The following WASL variants were observed in gnomAD, a reference collection of about 807,000 sequenced individuals.
The protein encoded by WASL is WASP like actin nucleation promoting factor, also known as actin nucleation-promoting factor WASL.
A neutral mutation model predicts 55.5 loss-of-function variants in WASL; 20 were observed. The ratio of observed to expected loss-of-function variants is 0.36; its 90% CI spans 0.25 to 0.52. WASL has a LOEUF of 0.52. WASL is among the 20% of genes least tolerant of loss of function. The probability of loss-of-function intolerance (pLI) is 0.92; values close to 1 mark genes in which losing one functional copy is unlikely to be tolerated. For synonymous variants in WASL, 249 were observed against 217.6 expected (o/e 1.14, Z -1.27); for missense variants, 504 against 622.5 (o/e 0.81, Z 2.03).
Position 123,692,502 on chromosome 7 carries a change from G to C in WASL, c.1192C>G (p.Gln398Glu). 6.2e-7 allele frequency: 1 copy of C among 1,614,084 alleles called. No homozygotes were observed. Among genetic ancestry groups the C allele is most frequent in the Non-Finnish European group, 8.5e-7 (1 of 1,180,046 alleles). ...TTGTTTCCTGCAGTAGTTGGAACCTGATGGTCCCCATCAGAAGGCAGGCCA... is the reference window on the plus strand; with the variant it reads ...TTGTTTCCTGCAGTAGTTGGAACCTCATGGTCCCCATCAGAAGGCAGGCCA... ...PPGLPSDGDH[Q>E]VPTTAGNKAA... is the part of the protein sequence containing the mutation. The change falls in exon 9 of 11, where the codon CAG becomes GAG. Residue 398 changes from glutamine (Q) to glutamate (E), a missense_variant. By Grantham distance (29) the Gln-to-Glu change is conservative. This residue lies in a region of WASL where 201 missense variants were observed against 206.2 expected (regional missense o/e 0.97). Transcript: ENST00000223023.
intron 4 of WASL, among the ~76,000 whole-genome samples, 168 bp from the exon 5 acceptor site, chr7:123,704,825 G>C (rs1803642945): frequency 6.6e-6 from 1 of 152,050 alleles, no homozygotes; most frequent in Admixed American, 6.6e-5. Context: ...AAATAAGTAA[G>C]GGAACAATAC....
chr7:123,744,233 C>T (rs1476101693), intron 1 of WASL, among the ~76,000 whole-genome samples: 1 of 152,178 alleles, frequency 6.6e-6, no homozygotes, highest in East Asian at 1.9e-4. Context: ...CACAACTAAA[C>T]CATTTCGGTC....
chr7:123,730,535 A>C (rs2116815035), intron 1 of WASL, among the ~76,000 whole-genome samples: 1 of 152,302 alleles, frequency 6.6e-6, no homozygotes, highest in Non-Finnish European at 1.5e-5. Context: ...CTACAGGGCA[A>C]CCACTTAAAA....
intron 10 of WASL, among the ~76,000 whole-genome samples, chr7:123,684,814 T>C: frequency 6.6e-6 from 1 of 152,152 alleles, no homozygotes; most frequent in Middle Eastern, 3.4e-3. Context: ...CCTTAATATC[T>C]ATGTGACAAA....
intron 1 of WASL, among the ~76,000 whole-genome samples, chr7:123,731,233 GATAA>G (rs1330228365): frequency 6.6e-6 from 1 of 152,020 alleles, no homozygotes; most frequent in African/African-American, 2.4e-5. Flanking sequence ...ACTACATAAT[GATAA>G]AAGGGTCAAT....
chr7:123,686,436 C>T (rs745869486), intron 10 of WASL, among the ~76,000 whole-genome samples: 5 of 151,976 alleles, frequency 3.3e-5, no homozygotes, highest in Non-Finnish European at 5.9e-5. Flanking sequence ...TTATCAGTAT[C>T]TATGGTGAAG....
At chr7:123,738,228 C>A (rs1463861107) in intron 1 of WASL, among the ~76,000 whole-genome samples, 1 of 151,740 alleles carries the variant, frequency 6.6e-6, no homozygotes, top group Non-Finnish European at 1.5e-5. Context: ...AAAAAGGATG[C>A]AACAGATATA....
At chr7:123,690,473 C>T (rs964354164) in intron 9 of WASL, among the ~76,000 whole-genome samples, 4 of 127,176 alleles carry the variant, frequency 3.1e-5, no homozygotes, top group Non-Finnish European at 6.9e-5. Flanking sequence ...AAATAACGAA[C>T]TCGGATTACA....
intron 4 of WASL, among the ~76,000 whole-genome samples, chr7:123,705,323 G>A (rs1189844703): frequency 1.3e-5 from 2 of 152,194 alleles, no homozygotes; most frequent in Non-Finnish European, 2.9e-5. Flanking sequence ...AAACAAGGAA[G>A]ATTAGTAGAA....
chr7:123,745,335 C>G (rs766924151), intron 1 of WASL, among the ~76,000 whole-genome samples: 4 of 152,202 alleles, frequency 2.6e-5, no homozygotes, highest in Non-Finnish European at 4.4e-5. Flanking sequence ...TCCACCTTTC[C>G]CCTGAAAATT....
chr7:123,709,234 TA>T lies in WASL; in HGVS notation c.118-12del. On this transcript the variant is annotated splice_polypyrimidine_tract_variant and intron_variant, in intron 1 of 10. Transcript: ENST00000223023. The stretch of plus-strand genomic sequence containing the variant: ...TGCTGAAGACATAGTCTGCAAAATA[TA>T]AAATTTATAACCATTAGGTTCAAAA... 1 of 1,596,492 alleles carries T rather than the reference TA, an allele frequency of 6.3e-7. No individual in the cohort carries two copies. Among genetic ancestry groups the T allele is most frequent in the South Asian group, 1.1e-5 (1 of 87,438 alleles).
chr7:123,692,547 G>A lies in WASL; in HGVS notation c.1147C>T (p.Pro383Ser). The A allele has an allele frequency of 6.2e-7, 1 of 1,614,086 alleles. No individual in the cohort carries two copies. The highest frequency in any genetic ancestry group is 8.5e-7 in the Non-Finnish European group (1 of 1,179,996). Residue 383 changes from proline to serine, a missense_variant, in exon 9 of 11, where the codon CCT becomes TCT. Physicochemically the swap from Pro to Ser is moderately conservative, Grantham distance 74 (BLOSUM62 -1). Coordinates refer to ENST00000223023, the MANE Select transcript of WASL (RefSeq NM_003941.4). The stretch of plus-strand genomic sequence containing the variant: ...AGGCCAGGCGGGGGCGGTGGCCCAG[G>A]AGGAGGTGGAGGTGGAGGCGGTGGG... ...PPPPPPPPPP[P>S]GPPPPPGLPS...
chr7:123,732,177 A>C (rs1178297941), intron 1 of WASL, among the ~76,000 whole-genome samples: 23 of 151,984 alleles, frequency 1.5e-4, no homozygotes, highest in Admixed American at 1.5e-3. Flanking sequence ...AATACAAAAA[A>C]AAATTAGCCG....
chr7:123,713,783 G>A lies in WASL; in HGVS notation c.118-4560C>T, dbSNP rs73718460. 7.8e-3 allele frequency among the ~76,000 whole-genome samples: 1,189 copies of A among 152,264 alleles called. 21 individuals are homozygous for A. The highest frequency in any genetic ancestry group is 0.027 in the African/African-American group (1,140 of 41,536). The stretch of plus-strand genomic sequence containing the variant: ...GAACAATATGGGTTTGAACTGTGTG[G>A]GTCCACTTACATGCAGATCTTCTTC... On this transcript the variant is annotated intron_variant, in intron 1 of 10. Transcript: ENST00000223023.
At chr7:123,694,628 T>A in intron 8 of WASL, 87 bp downstream of exon 8, 1 of 1,405,198 alleles carries the variant, frequency 7.1e-7, no homozygotes, top group Admixed American at 2.0e-5. Context: ...AAGGAAGGGT[T>A]CACATGTATG....
intron 1 of WASL, among the ~76,000 whole-genome samples, chr7:123,712,941 G>A (rs1356751240): frequency 2.0e-5 from 3 of 152,050 alleles, no homozygotes; most frequent in Non-Finnish European, 4.4e-5. Context: ...TTTAGATCAG[G>A]AAAATAGGTA....
At chr7:123,707,455 A>G (rs1803688495) in intron 2 of WASL, among the ~76,000 whole-genome samples, 1 of 152,220 alleles carries the variant, frequency 6.6e-6, no homozygotes, top group South Asian at 2.1e-4. Flanking sequence ...TAAGAGTGCC[A>G]TGATGGCTGC....
At position 123,720,737 on chromosome 7, in the gene WASL, G is replaced by A. The variant is rs901935173; in HGVS notation, c.118-11514C>T. ...ACAATCTTGGCTCACTGCAAGCTCC[G>A]CCTCCTGGGTTCATGCCATTCTCCT... On this transcript the variant is annotated intron_variant, in intron 1 of 10. Transcript: ENST00000223023. Among the ~76,000 whole-genome samples the A allele has an allele frequency of 5.4e-5, 8 of 147,594 alleles. 1 individual carries two copies. The Admixed American group carries it at 5.5e-4, about 10-fold the overall frequency.
chr7:123,728,732 A>AGGCTGAG (rs1804092618), intron 1 of WASL, among the ~76,000 whole-genome samples: 1 of 152,152 alleles, frequency 6.6e-6, no homozygotes, highest in Non-Finnish European at 1.5e-5. Context: ...GCTACTTGGG[A>AGGCTGAG]GGCTGAGGCA....
Sources: allele counts gnomAD v4.1 joint callset (sites outside exome capture counted in the v4.1 genomes callset), GRCh38; gene constraint gnomAD v4.1.1; regional missense constraint gnomAD v4.1.1; transcripts MANE v1.5; gene names NCBI Gene and HGNC (gene_info 2026-07-23, HGNC 2026-07-21).